Variants in PPFIA2 observed in about 807,000 individuals in gnomAD.
PPFIA2 encodes liprin-alpha-2.
In PPFIA2, 46 loss-of-function variants were observed where a neutral mutation model predicts 175.5. The observed-to-expected ratio is 0.26, with a 90% CI of 0.21 to 0.34. The LOEUF is 0.34. Among genes scored for constraint, PPFIA2 ranks in the 10% least tolerant of loss-of-function variants. The pLI, the probability that PPFIA2 is intolerant of heterozygous loss-of-function variation, is 1.00. For synonymous variants in PPFIA2, 568 were observed against 511.4 expected (o/e 1.11, Z -1.49); for missense variants, 1,179 against 1,506.1 (o/e 0.78, Z 3.60).
intron 7 of PPFIA2, among the ~76,000 whole-genome samples, chr12:81,414,556 A>G (rs1365105753): frequency 6.6e-6 from 1 of 151,648 alleles, no homozygotes; most frequent in Non-Finnish European, 1.5e-5. Flanking sequence ...ATTTGTCTCT[A>G]CTTATTTAAC....
At chr12:81,538,103 C>T (rs2065671272) in intron 4 of PPFIA2, among the ~76,000 whole-genome samples, 1 of 151,860 alleles carries the variant, frequency 6.6e-6, no homozygotes, top group Non-Finnish European at 1.5e-5. Flanking sequence ...CCCCACTAGG[C>T]TGTAATGTTA....
rs545936418 is a variant in PPFIA2 at position 81,693,841 on chromosome 12, C to A, written c.250-16997G>T. Among the ~76,000 whole-genome samples the A allele has an allele frequency of 1.6e-4, 25 of 152,236 alleles. No homozygotes were observed. In the East Asian group the frequency reaches 4.8e-3, roughly 30 times the overall value. ...GTCTTAGATGGAAATGAGGAACTTA[C>A]AGGAACTGGAGCAAAGTTTACACAT... is the stretch of plus-strand genomic sequence containing the variant. On this transcript the variant is annotated intron_variant, in intron 3 of 32. Coordinates refer to ENST00000549396, the MANE Select transcript of PPFIA2 (RefSeq NM_003625.5).
intron 7 of PPFIA2, among the ~76,000 whole-genome samples, chr12:81,412,685 T>C (rs755239264): frequency 2.6e-5 from 4 of 151,946 alleles, no homozygotes; most frequent in Non-Finnish European, 5.9e-5. Context: ...GGTTGTACGA[T>C]CTTGTACAAG....
At chr12:81,605,119 ATAAT>A (rs2060161027) in intron 4 of PPFIA2, among the ~76,000 whole-genome samples, 1 of 151,840 alleles carries the variant, frequency 6.6e-6, no homozygotes, top group Non-Finnish European at 1.5e-5. Context: ...ATCCTGGAAA[ATAAT>A]TTTGTTTTAA....
intron 4 of PPFIA2, among the ~76,000 whole-genome samples, chr12:81,534,863 T>C (rs1439291264): frequency 2.6e-5 from 4 of 151,602 alleles, no homozygotes; most frequent in African/African-American, 7.3e-5. Flanking sequence ...CCAGTCAGTG[T>C]TGAAATTCTA....
chr12:81,476,593 C>A (rs1179921305), intron 4 of PPFIA2, among the ~76,000 whole-genome samples: 3 of 152,114 alleles, frequency 2.0e-5, no homozygotes, highest in Admixed American at 6.5e-5. Context: ...ATTCACATTT[C>A]AATAGTGAAA....
chr12:81,306,965 A>G (rs563570489), intron 22 of PPFIA2, among the ~76,000 whole-genome samples: 24 of 152,326 alleles, frequency 1.6e-4, no homozygotes, highest in African/African-American at 4.8e-4. Context: ...TGATTTAATT[A>G]TCTAATTACC....
At chr12:81,638,357 G>A (rs1410089244) in intron 4 of PPFIA2, among the ~76,000 whole-genome samples, 1 of 151,906 alleles carries the variant, frequency 6.6e-6, no homozygotes, top group Non-Finnish European at 1.5e-5. Flanking sequence ...TGCCATCCAA[G>A]TAAAGTGGAT....
chr12:81,364,071 T>C (rs1047706612), intron 14 of PPFIA2, among the ~76,000 whole-genome samples: 1 of 151,740 alleles, frequency 6.6e-6, no homozygotes, highest in African/African-American at 2.4e-5. Context: ...TGGAAGGGTT[T>C]TTCAATAAAG....
chr12:81,287,451 C>A (rs191694925), intron 24 of PPFIA2, among the ~76,000 whole-genome samples: 1 of 151,816 alleles, frequency 6.6e-6, no homozygotes, highest in Non-Finnish European at 1.5e-5. Context: ...TAAGCATATA[C>A]CCAGGACAAT....
chr12:81,308,089 A>G (rs958827148), intron 22 of PPFIA2, among the ~76,000 whole-genome samples: 3 of 152,230 alleles, frequency 2.0e-5, no homozygotes, highest in African/African-American at 7.2e-5. Flanking sequence ...TTTAAAATGT[A>G]ATCTAAATAT....
chr12:81,307,223 G>A (rs911654708), intron 22 of PPFIA2, among the ~76,000 whole-genome samples: 1 of 152,092 alleles, frequency 6.6e-6, no homozygotes. Flanking sequence ...AGAGATCACT[G>A]GTTACCACCA....
At chr12:81,626,449 A>C (rs2062718220) in intron 4 of PPFIA2, among the ~76,000 whole-genome samples, 1 of 152,046 alleles carries the variant, frequency 6.6e-6, no homozygotes, top group Admixed American at 6.6e-5. Context: ...ACCTTATTAA[A>C]TTTAACAAAT....
chr12:81,464,149 T>A (rs2055155063), intron 4 of PPFIA2, among the ~76,000 whole-genome samples: 2 of 152,132 alleles, frequency 1.3e-5, no homozygotes, highest in South Asian at 4.1e-4. Context: ...ACTCCTGGCC[T>A]CAAGCAATTC....
chr12:81,709,533 C>G (rs749776640), intron 3 of PPFIA2, among the ~76,000 whole-genome samples: 35 of 151,952 alleles, frequency 2.3e-4, no homozygotes, highest in Non-Finnish European at 3.5e-4. Flanking sequence ...TACACACACA[C>G]ATAGACTCAC....
chr12:81,724,615 T>C (rs1051314002), intron 3 of PPFIA2, among the ~76,000 whole-genome samples: 2 of 150,992 alleles, frequency 1.3e-5, no homozygotes, highest in Non-Finnish European at 3.0e-5. Context: ...TTTAAGACAA[T>C]GGCCTCCAGT....
intron 4 of PPFIA2, among the ~76,000 whole-genome samples, chr12:81,481,032 C>T (rs1035195327): frequency 1.3e-5 from 2 of 152,182 alleles, no homozygotes; most frequent in Non-Finnish European, 2.9e-5. Context: ...TGATAAGCAG[C>T]TTCAACAAAG....
At chr12:81,457,019 T>A (rs966221464) in intron 5 of PPFIA2, among the ~76,000 whole-genome samples, 4 of 151,948 alleles carry the variant, frequency 2.6e-5, no homozygotes, top group Non-Finnish European at 2.9e-5. Flanking sequence ...TATTATTATT[T>A]TTTTGAGACA....
intron 3 of PPFIA2, among the ~76,000 whole-genome samples, chr12:81,678,362 T>A (rs1177767730): frequency 2.3e-4 from 35 of 151,950 alleles, no homozygotes; most frequent in African/African-American, 7.9e-4. Flanking sequence ...AAGGGAGGAC[T>A]CTTAATAATA....
Sources: gnomAD v4.1 joint callset for allele counts (sites outside exome capture counted in the v4.1 genomes callset) on GRCh38, gnomAD v4.1.1 for gene constraint, MANE v1.5 for transcripts, NCBI Gene and HGNC (gene_info 2026-07-23, HGNC 2026-07-21) for gene names.